The following VPS11 variants were observed in gnomAD, a reference collection of about 807,000 sequenced individuals.
VPS11 encodes VPS11 core subunit of CORVET and HOPS complexes.
A neutral mutation model predicts 106.8 loss-of-function variants in VPS11; 51 were observed. The ratio of observed to expected loss-of-function variants is 0.48; its 90% CI spans 0.38 to 0.60. The LOEUF (loss-of-function observed/expected upper bound fraction) is 0.60, where lower values mean the gene tolerates loss of function less well. Among genes scored for constraint, VPS11 ranks in the 20% least tolerant of loss-of-function variants. The pLI, the probability that VPS11 is intolerant of heterozygous loss-of-function variation, is 0.00. For synonymous variants in VPS11, 453 were observed against 458.7 expected, an observed-to-expected ratio of 0.99 and a Z score of 0.16; for missense variants, 950 against 1,190.0, an observed-to-expected ratio of 0.80 and a Z score of 2.97.
intron 9 of VPS11, 94 bp from the exon 10 acceptor site, chr11:119,077,784 C>T: frequency 1.9e-6 from 3 of 1,562,276 alleles, no homozygotes; most frequent in South Asian, 1.2e-5. Flanking sequence ...TGGGCAGAGC[C>T]CTGTCGTTTT....
rs1322873474 is a variant in VPS11 at position 119,067,891 on chromosome 11, G to A, written c.68G>A (p.Ser23Asn). Residue 23 changes from serine (S) to asparagine (N), a missense_variant, in exon 1 of 16, where the codon AGC (serine) becomes AAC (asparagine). Transcript: ENST00000621676. ...FDKELVKEPL[S>N]NDGAAPGATP... ...AAGGAGCTGGTGAAGGAGCCGCTGA[G>A]CAATGATGGGGCCGCTCCCGGGGCC... 7 of 1,592,930 alleles carry A rather than the reference G, an allele frequency of 4.4e-6. No individual in the cohort carries two copies. Among genetic ancestry groups the A allele is most frequent in the South Asian group, 1.1e-5 (1 of 88,032 alleles).
intron 7 of VPS11, 23 bp downstream of exon 7, chr11:119,073,974 A>G (rs1321135756): frequency 2.5e-6 from 4 of 1,592,308 alleles, no homozygotes; most frequent in East Asian, 4.5e-5. Flanking sequence ...GCACTTTGGG[A>G]TATAGCTGTG....
intron 7 of VPS11, 129 bp from the exon 8 acceptor site, chr11:119,076,768 A>C: frequency 9.1e-7 from 1 of 1,094,502 alleles, no homozygotes; most frequent in Non-Finnish European, 1.3e-6. Flanking sequence ...GAAATGTAGA[A>C]TCTCAGGCCC....
intron 7 of VPS11, among the ~76,000 whole-genome samples, chr11:119,075,542 T>TTAAAAAAAA (rs1555202803): frequency 9.0e-6 from 1 of 111,634 alleles, no homozygotes; most frequent in African/African-American, 3.7e-5. Flanking sequence ...CTGTCTCCAC[T>TTAAAAAAAA]AAAAAAAAAA....
rs368659706 is a variant in VPS11, at chr11:119,079,272, C to T, written c.2410C>T (p.Arg804Cys). 66 of 1,600,202 alleles carry T rather than the reference C, an allele frequency of 4.1e-5. No homozygotes were observed. The highest frequency in any genetic ancestry group is 9.0e-5 in the South Asian group (8 of 88,932). The change falls in exon 14 of 16, where the codon CGC becomes TGC. Residue 804 changes from arginine (R) to cysteine (C), a missense_variant. Arg to Cys is a radical substitution (Grantham distance 180, BLOSUM62 -3). Around this residue, in one of 3 missense-constraint regions of VPS11, gnomAD observed 453 missense variants for 514.6 expected, o/e 0.88. Coordinates refer to ENST00000621676, the MANE Select transcript of VPS11 (RefSeq NM_021729.6). ...RRYREETTRI[R>C]QEIQELKASP... is the part of the protein sequence containing the mutation. Reference sequence around the variant, plus strand: ...GTACCGAGAGGAGACCACCCGTATCCGCCAGGAGATCCAAGAGCTCAAGGC... The same window carrying T: ...GTACCGAGAGGAGACCACCCGTATCTGCCAGGAGATCCAAGAGCTCAAGGC...
intron 9 of VPS11, 86 bp from the exon 10 acceptor site, chr11:119,077,792 T>C (rs1273194198): frequency 6.4e-7 from 1 of 1,564,820 alleles, no homozygotes; most frequent in Admixed American, 1.8e-5. Context: ...GCCCTGTCGT[T>C]TTTGAAGACA....
rs2133639487 is a variant in VPS11, at chr11:119,067,889, G to A, written c.66G>A (p.Leu22=). Residue 22 remains leucine (L), a synonymous_variant, in exon 1 of 16, where the codon CTG becomes CTA. Transcript: ENST00000621676. Reference sequence around the variant, plus strand: ...ACAAGGAGCTGGTGAAGGAGCCGCTGAGCAATGATGGGGCCGCTCCCGGGG... The same window carrying A: ...ACAAGGAGCTGGTGAAGGAGCCGCTAAGCAATGATGGGGCCGCTCCCGGGG... ...FFDKELVKEP[L]SNDGAAPGAT... 1 of 1,591,204 alleles carries A rather than the reference G, an allele frequency of 6.3e-7. No individual in the cohort carries two copies. Among genetic ancestry groups the A allele is most frequent in the South Asian group, 1.1e-5 (1 of 87,854 alleles).
intron 12 of VPS11, 28 bp from the exon 13 acceptor site, chr11:119,078,767 C>T (rs1468914118): frequency 5.0e-6 from 8 of 1,610,542 alleles, no homozygotes; most frequent in Non-Finnish European, 4.2e-6. Context: ...GAGACAGCCA[C>T]TGAGGTGTGC....
At chr11:119,077,358 A>G in intron 8 of VPS11, 143 bp from the exon 9 acceptor site, 2 of 1,256,006 alleles carry the variant, frequency 1.6e-6, no homozygotes, top group East Asian at 2.5e-5. Context: ...TTAGTCAGAA[A>G]CTCCCACAGG....
chr11:119,077,207 G>T, intron 8 of VPS11, 124 bp downstream of exon 8: 1 of 1,244,374 alleles, frequency 8.0e-7, no homozygotes. Context: ...TAGAGGAGTG[G>T]CTGTTCCTGT....
chr11:119,071,255 C>T (rs1462125393), intron 4 of VPS11, among the ~76,000 whole-genome samples: 3 of 152,094 alleles, frequency 2.0e-5, no homozygotes, highest in Admixed American at 2.0e-4. Flanking sequence ...TTTTAAATGA[C>T]GTTGGACAAG....
chr11:119,070,463 G>T, intron 4 of VPS11, 66 bp downstream of exon 4: 4 of 1,444,070 alleles, frequency 2.8e-6, no homozygotes, highest in East Asian at 2.4e-5. Context: ...AGGGGGATAG[G>T]GTAATGAAGT....
rs1945755714 is a variant in VPS11, at chr11:119,079,175, C to A, written c.2313C>A (p.Ile771=). 1.9e-6 allele frequency: 3 copies of A among 1,613,894 alleles called. No homozygotes were observed. The highest frequency in any genetic ancestry group is 2.5e-6 in the Non-Finnish European group (3 of 1,179,862). Residue 771 remains isoleucine (I), a synonymous_variant, in exon 14 of 16, where the codon ATC becomes ATA. Transcript: ENST00000621676. ...AHNSTATLSV[I]RDYLVQKLQK... is the part of the protein sequence containing the mutation. ...ACTCCACAGCCACACTCTCCGTCATCAGGGACTACCTGGTCCAAAAACTAC... is the reference window on the plus strand; with the variant it reads ...ACTCCACAGCCACACTCTCCGTCATAAGGGACTACCTGGTCCAAAAACTAC...
At chr11:119,074,551 A>T (rs1169309979) in intron 7 of VPS11, among the ~76,000 whole-genome samples, 1 of 151,770 alleles carries the variant, frequency 6.6e-6, no homozygotes, top group Non-Finnish European at 1.5e-5. Flanking sequence ...TTACAGGATC[A>T]TGCTGCCATG....
At position 119,078,075 on chromosome 11, in the gene VPS11, G is replaced by T. The variant is rs1282983217; in HGVS notation, c.1761+9G>T. On this transcript the variant is annotated intron_variant, in intron 10 of 15. Transcript: ENST00000621676. ...AGGCCCCAGGCTGCAGGGTGAGGCT[G>T]CAGGGAAAAGAGCTTCAGACTGTGG... The T allele has an allele frequency of 1.2e-6, 2 of 1,609,830 alleles. No individual in the cohort carries two copies. The highest frequency in any genetic ancestry group is 2.2e-5 in the East Asian group (1 of 44,896).
chr11:119,079,306 C>A lies in VPS11; in HGVS notation c.2438+6C>A. The A allele has an allele frequency of 6.3e-7, 1 of 1,581,894 alleles. No homozygotes were observed. The highest frequency in any genetic ancestry group is 2.3e-5 in the East Asian group (1 of 43,224). ...ATCCAAGAGCTCAAGGCCAGGTACC[C>A]GGGGCATGGATATGTGGAGGAGTCC... On this transcript the variant is annotated splice_donor_region_variant and intron_variant, in intron 14 of 15. Transcript: ENST00000621676.
Position 119,069,222 on chromosome 11 carries a change from C to T in VPS11, c.214C>T (p.Pro72Ser). 2 of 1,613,922 alleles carry T rather than the reference C, an allele frequency of 1.2e-6. No homozygotes were observed. Among genetic ancestry groups the T allele is most frequent in the Non-Finnish European group, 1.7e-6 (2 of 1,179,888 alleles). ...GDMEGQIWFLPRSLQLTGFQA... is the reference protein window; with the variant it reads ...GDMEGQIWFLSRSLQLTGFQA... The stretch of plus-strand genomic sequence containing the variant: ...TATGGAAGGCCAGATCTGGTTCTTG[C>T]CACGTTCCCTACAGCTTACAGGCTT... Residue 72 changes from proline (P) to serine (S), a missense_variant, in exon 2 of 16, where the codon CCA becomes TCA. By Grantham distance (74) the Pro-to-Ser change is moderately conservative. This residue lies in a region of VPS11 where 435 missense variants were observed against 630.2 expected (regional missense o/e 0.69). Transcript: ENST00000621676.
At chr11:119,075,929 T>G (rs1945595563) in intron 7 of VPS11, among the ~76,000 whole-genome samples, 1 of 76,586 alleles carries the variant, frequency 1.3e-5, no homozygotes, top group Non-Finnish European at 2.4e-5. Flanking sequence ...ATAATAATAA[T>G]AATAAATAAA....
intron 15 of VPS11, 47 bp from the exon 16 acceptor site, chr11:119,081,412 A>G (rs2134814272): frequency 1.2e-6 from 2 of 1,612,458 alleles, no homozygotes; most frequent in Non-Finnish European, 1.7e-6. Flanking sequence ...TTAAGAAACA[A>G]GCACTTTGAT....
Sources: allele counts gnomAD v4.1 joint callset (sites outside exome capture counted in the v4.1 genomes callset), GRCh38; gene constraint gnomAD v4.1.1; regional missense constraint gnomAD v4.1.1; transcripts MANE v1.5; gene names NCBI Gene and HGNC (gene_info 2026-07-23, HGNC 2026-07-21).